The following DIP2C variants were observed in gnomAD, a reference collection of about 807,000 sequenced individuals.
DIP2C encodes the protein DIP2 acetate--CoA ligase C (putative), also known as disco-interacting protein 2 homolog C.
A neutral mutation model predicts 192.4 loss-of-function variants in DIP2C; 33 were observed. The ratio of observed to expected loss-of-function variants is 0.17; its 90% confidence interval spans 0.13 to 0.23. DIP2C has a LOEUF of 0.23. Ranked by LOEUF, DIP2C falls within the 10% of genes least tolerant of loss-of-function variation. The probability of loss-of-function intolerance (pLI) is 1.00; values close to 1 mark genes in which losing one functional copy is unlikely to be tolerated. For synonymous variants in DIP2C, 979 were observed against 864.1 expected, an observed-to-expected ratio of 1.13 and a Z score of -2.33; for missense variants, 1,537 against 2,110.1, an observed-to-expected ratio of 0.73 and a Z score of 5.32.
chr10:621,852 G>A (rs2131838969), intron 1 of DIP2C, among the ~76,000 whole-genome samples: 1 of 152,298 alleles, frequency 6.6e-6, no homozygotes, highest in East Asian at 1.9e-4. Flanking sequence ...GGCTTCCGGA[G>A]AGGATGTCAT....
chr10:400,045 A>G (rs918904056), intron 9 of DIP2C, among the ~76,000 whole-genome samples: 1 of 152,210 alleles, frequency 6.6e-6, no homozygotes, highest in Non-Finnish European at 1.5e-5. Context: ...ACTAATAGAT[A>G]TTATGATTTT....
intron 1 of DIP2C, among the ~76,000 whole-genome samples, chr10:598,787 G>A (rs1256916785): frequency 2.0e-5 from 3 of 152,186 alleles, no homozygotes; most frequent in African/African-American, 7.2e-5. Context: ...GAAGGCATCT[G>A]AGCAGAAGGC....
intron 32 of DIP2C, among the ~76,000 whole-genome samples, chr10:303,220 G>C (rs143747753): frequency 1.3e-5 from 2 of 151,916 alleles, no homozygotes; most frequent in African/African-American, 4.8e-5. Flanking sequence ...TGTAGACTTT[G>C]TAAAAACTAC....
chr10:613,615 G>C (rs1350992712), intron 1 of DIP2C, among the ~76,000 whole-genome samples: 2 of 152,204 alleles, frequency 1.3e-5, no homozygotes, highest in African/African-American at 2.4e-5. Context: ...AATTGGGATG[G>C]GGACTTAACA....
At chr10:486,406 C>A in intron 2 of DIP2C, 53 bp downstream of exon 2, 1 of 1,494,236 alleles carries the variant, frequency 6.7e-7, no homozygotes. Flanking sequence ...TTCTCTGGCA[C>A]ATAGTGAATG....
At chr10:457,806 C>T (rs968266085) in intron 3 of DIP2C, among the ~76,000 whole-genome samples, 3 of 152,182 alleles carry the variant, frequency 2.0e-5, no homozygotes, top group East Asian at 1.9e-4. Context: ...TCCTCCACCT[C>T]GGCCTCCCAA....
intron 19 of DIP2C, among the ~76,000 whole-genome samples, chr10:366,032 CA>C (rs1390313129): frequency 1.3e-5 from 2 of 152,194 alleles, no homozygotes; most frequent in African/African-American, 4.8e-5. Context: ...AGAAAAGTAA[CA>C]AAAAGGATCC....
intron 1 of DIP2C, among the ~76,000 whole-genome samples, chr10:643,982 T>G (rs1855326830): frequency 6.6e-6 from 1 of 152,260 alleles, no homozygotes; most frequent in Non-Finnish European, 1.5e-5. Context: ...ATCCTATGAT[T>G]CCAGTTCTGT....
intron 1 of DIP2C, among the ~76,000 whole-genome samples, chr10:572,700 GTTT>G (rs1319929332): frequency 1.3e-5 from 2 of 152,238 alleles, no homozygotes; most frequent in Admixed American, 6.5e-5. Flanking sequence ...ACAAAAAAAA[GTTT>G]TTTAAAATGA....
At chr10:332,388 C>T (rs141090911) in intron 29 of DIP2C, among the ~76,000 whole-genome samples, 4 of 152,260 alleles carry the variant, frequency 2.6e-5, no homozygotes, top group Non-Finnish European at 5.9e-5. Flanking sequence ...AGTTTCACCT[C>T]CCTCCTCATC....
intron 1 of DIP2C, among the ~76,000 whole-genome samples, chr10:519,973 ACCAT>A (rs1846594638): frequency 6.6e-6 from 1 of 152,200 alleles, no homozygotes; most frequent in African/African-American, 2.4e-5. Flanking sequence ...CTTGGAGCAC[ACCAT>A]GGCGGGCAGG....
At chr10:385,246 G>A (rs893703302) in intron 14 of DIP2C, among the ~76,000 whole-genome samples, 1 of 152,222 alleles carries the variant, frequency 6.6e-6, no homozygotes, top group Non-Finnish European at 1.5e-5. Context: ...AGGCTCCTCA[G>A]TGTGGGAATG....
chr10:586,974 C>T (rs553813616), intron 1 of DIP2C, among the ~76,000 whole-genome samples: 7 of 151,574 alleles, frequency 4.6e-5, no homozygotes, highest in South Asian at 2.1e-4. Context: ...CCAGACTACC[C>T]GGGTCCCCAC....
intron 31 of DIP2C, among the ~76,000 whole-genome samples, chr10:320,961 C>A (rs910171477): frequency 1.3e-5 from 2 of 152,146 alleles, no homozygotes; most frequent in Non-Finnish European, 2.9e-5. Context: ...CCGGGCGGAG[C>A]AGGATGAGGG....
chr10:548,734 C>A (rs902351463), intron 1 of DIP2C, among the ~76,000 whole-genome samples: 1 of 151,792 alleles, frequency 6.6e-6, no homozygotes, highest in Non-Finnish European at 1.5e-5. Flanking sequence ...AGCTTTCACG[C>A]TCGCACAACC....
chr10:598,488 G>C (rs1411044679), intron 1 of DIP2C, among the ~76,000 whole-genome samples: 1 of 152,158 alleles, frequency 6.6e-6, no homozygotes, highest in Non-Finnish European at 1.5e-5. Flanking sequence ...GTCTCAGTCC[G>C]AGGCCTCGCG....
intron 1 of DIP2C, among the ~76,000 whole-genome samples, chr10:501,013 T>A (rs1845188456): frequency 6.6e-6 from 1 of 152,210 alleles, no homozygotes; most frequent in African/African-American, 2.4e-5. Context: ...CCAGAAGTTA[T>A]ATGTAATAAG....
intron 34 of DIP2C, 122 bp downstream of exon 34, chr10:286,151 C>A: frequency 2.3e-6 from 2 of 864,804 alleles, no homozygotes. Context: ...GCAATCATAA[C>A]TCACTCAGCT....
chr10:679,381 C>T (rs1194591664), intron 1 of DIP2C, among the ~76,000 whole-genome samples: 1 of 32,230 alleles, frequency 3.1e-5, no homozygotes, highest in Non-Finnish European at 7.0e-5. Flanking sequence ...TCCCCGCATC[C>T]GTCCTCCCCG....
Sources: allele counts gnomAD v4.1 joint callset (sites outside exome capture counted in the v4.1 genomes callset), GRCh38; gene constraint gnomAD v4.1.1; transcripts MANE v1.5; gene names NCBI Gene and HGNC (gene_info 2026-07-23, HGNC 2026-07-21).